Variants in RIMS3 observed in about 807,000 individuals in gnomAD.
The protein encoded by RIMS3 is regulating synaptic membrane exocytosis protein 3.
In RIMS3, 15 loss-of-function variants were observed where a neutral mutation model predicts 29.2. That is an observed-to-expected ratio of 0.51 (90% confidence interval 0.34 to 0.79). RIMS3 has a LOEUF of 0.79. RIMS3 is among the 30% of genes least tolerant of loss of function. The pLI, the probability that RIMS3 is intolerant of heterozygous loss-of-function variation, is 0.01. For missense variants in RIMS3, 342 were observed against 421.4 expected (o/e 0.81, Z 1.65); for synonymous variants, 161 against 170.1 (o/e 0.95, Z 0.41).
intron 4 of RIMS3, among the ~76,000 whole-genome samples, 161 bp from the exon 5 acceptor site, chr1:40,633,342 C>A (rs1396403378): frequency 6.6e-6 from 1 of 152,264 alleles, no homozygotes; most frequent in African/African-American, 2.4e-5. Context: ...TGGGAAAGGA[C>A]AAACAGAACT....
At chr1:40,637,316 G>C (rs1339544652) in intron 3 of RIMS3, among the ~76,000 whole-genome samples, 2 of 152,228 alleles carry the variant, frequency 1.3e-5, no homozygotes, top group Non-Finnish European at 2.9e-5. Context: ...CCCCACTGGA[G>C]GAGGGCAGGC....
the RIMS3 span, among the ~76,000 whole-genome samples, chr1:40,679,032 G>A: frequency 6.6e-6 from 1 of 152,164 alleles, no homozygotes; most frequent in Non-Finnish European, 1.5e-5. Flanking sequence ...GGAAAGTGTC[G>A]CTAGACCCCA....
chr1:40,685,937 CAGG>C, the RIMS3 span, among the ~76,000 whole-genome samples: 2 of 151,990 alleles, frequency 1.3e-5, no homozygotes, highest in Non-Finnish European at 2.9e-5. Context: ...CACCTGAGGT[CAGG>C]AGTTCAAGAC....
chr1:40,654,990 G>C lies in RIMS3; in HGVS notation c.-206-7148C>G, dbSNP rs1428874755. Among the ~76,000 whole-genome samples the C allele has an allele frequency of 6.6e-6, 1 of 152,172 alleles. No homozygotes were observed. ...CCTTCCCACTGTGAACATGGGACTA[G>C]GGAGGGGGCAGACAGGACTTCCCTC... On this transcript the variant is annotated intron_variant, in intron 1 of 7. Transcript: ENST00000372684. This position sits in a 1 kb window ranked among gnomAD's most constrained non-coding sequence, Gnocchi z 5.3.
At chr1:40,632,138 C>A (rs1646492949) in intron 5 of RIMS3, among the ~76,000 whole-genome samples, 1 of 152,066 alleles carries the variant, frequency 6.6e-6, no homozygotes, top group Non-Finnish European at 1.5e-5. Flanking sequence ...CCAGCCTCAG[C>A]CTCCTGAGCA....
At chr1:40,686,191 A>C in the RIMS3 span, among the ~76,000 whole-genome samples, 1 of 152,092 alleles carries the variant, frequency 6.6e-6, no homozygotes, top group Non-Finnish European at 1.5e-5. Context: ...TGAAAGGGCA[A>C]GGGGTATTCA....
upstream of RIMS3, among the ~76,000 whole-genome samples, chr1:40,669,997 C>T (rs927291642): frequency 6.6e-6 from 1 of 152,108 alleles, no homozygotes; most frequent in Non-Finnish European, 1.5e-5. Flanking sequence ...CACTTCTCTC[C>T]ATCCCTCTTG....
intron 2 of RIMS3, among the ~76,000 whole-genome samples, chr1:40,646,581 C>G (rs1014725561): frequency 6.6e-6 from 1 of 152,166 alleles, no homozygotes; most frequent in Non-Finnish European, 1.5e-5. Context: ...CTCTGAAGTT[C>G]TTCCTGCTGA....
rs1646470947 is a variant in RIMS3, at chr1:40,628,881, T to TGGTCATCTTTG, written c.632_642dup (p.Lys215GlnfsTer3). On this transcript the variant is annotated stop_gained and frameshift_variant, in exon 7 of 8. Transcript: ENST00000372684. LOFTEE classifies it high-confidence loss of function. Reference sequence around the variant, plus strand: ...TGGTACAGGGGATCACAGGTCTTCTTGGTCATCTTTGTCTTCTTCTTGGCC... The same window carrying TGGTCATCTTTG: ...TGGTACAGGGGATCACAGGTCTTCTTGGTCATCTTTGGGTCATCTTTGTCTTCTTCTTGGCC... 1 of 1,613,916 alleles carries TGGTCATCTTTG rather than the reference T, an allele frequency of 6.2e-7. No individual in the cohort carries two copies. Among genetic ancestry groups the TGGTCATCTTTG allele is most frequent in the Non-Finnish European group, 8.5e-7 (1 of 1,180,030 alleles).
rs2148357579 is a variant in RIMS3 at position 40,654,326 on chromosome 1, CCAGA to C, written c.-206-6488_-206-6485del. 6.6e-6 allele frequency among the ~76,000 whole-genome samples: 1 copy of C among 152,326 alleles called. No homozygotes were observed. Among genetic ancestry groups the C allele is most frequent in the Admixed American group, 6.5e-5 (1 of 15,308 alleles). On this transcript the variant is annotated intron_variant, in intron 1 of 7. Coordinates refer to ENST00000372684, the MANE Select transcript of RIMS3 (RefSeq NM_014747.3). This position sits in a 1 kb window ranked among gnomAD's most constrained non-coding sequence, Gnocchi z 5.3. Reference sequence around the variant, plus strand: ...AACCCAGCACAGGCTCGGCCCCAGGCCAGACAGACACCGCCCAAAGAGGTGCACG... The same window carrying C: ...AACCCAGCACAGGCTCGGCCCCAGGCCAGACACCGCCCAAAGAGGTGCACG...
chr1:40,692,010 G>A, the RIMS3 span: 3 of 256,068 alleles, frequency 1.2e-5, no homozygotes, highest in African/African-American at 4.8e-5. Flanking sequence ...CCGCCGCCAT[G>A]TTGTGCTCTT....
intron 3 of RIMS3, among the ~76,000 whole-genome samples, chr1:40,639,368 G>A (rs902482988): frequency 1.4e-4 from 22 of 152,314 alleles, no homozygotes; most frequent in African/African-American, 5.3e-4. Context: ...GCATCCTCAA[G>A]GCATGGGGGC....
At chr1:40,689,921 C>T in the RIMS3 span, among the ~76,000 whole-genome samples, 3 of 152,324 alleles carry the variant, frequency 2.0e-5, no homozygotes, top group South Asian at 6.2e-4. Flanking sequence ...GAAGGGTTAA[C>T]ACCTAGCACA....
chr1:40,642,244 C>A (rs188369133), intron 2 of RIMS3, among the ~76,000 whole-genome samples: 1 of 152,200 alleles, frequency 6.6e-6, no homozygotes, highest in African/African-American at 2.4e-5. Flanking sequence ...GGCCTCTACA[C>A]ACTAGCTGCG....
chr1:40,652,911 G>A (rs892449642), intron 1 of RIMS3, among the ~76,000 whole-genome samples: 5 of 152,184 alleles, frequency 3.3e-5, no homozygotes, highest in African/African-American at 1.2e-4. Flanking sequence ...AGGAAACGGG[G>A]CCAGGAGTCG....
At chr1:40,686,994 T>G in the RIMS3 span, among the ~76,000 whole-genome samples, 4 of 122,564 alleles carry the variant, frequency 3.3e-5, no homozygotes, top group African/African-American at 1.3e-4. Context: ...GAAAACAGTA[T>G]GGTGGCTCCT....
chr1:40,670,367 T>G (rs970623110), upstream of RIMS3, among the ~76,000 whole-genome samples: 15 of 151,556 alleles, frequency 9.9e-5, no homozygotes, highest in African/African-American at 3.6e-4. Flanking sequence ...GCATCCCATC[T>G]GAAGCTTGAA....
Position 40,663,930 on chromosome 1 carries a change from C to G in RIMS3, c.-207+1464G>C, listed in dbSNP as rs528955432. Among the ~76,000 whole-genome samples the G allele has an allele frequency of 1.5e-4, 23 of 152,338 alleles. No individual in the cohort carries two copies. In the South Asian group the frequency reaches 4.1e-3, roughly 27 times the overall value. The stretch of plus-strand genomic sequence containing the variant: ...CTCAAATCCACCATTTCACTCACTC[C>G]TTCCTGCTACCCACATAGCAGCTGG... On this transcript the variant is annotated intron_variant, in intron 1 of 7. Coordinates refer to ENST00000372684, the MANE Select transcript of RIMS3 (RefSeq NM_014747.3).
At chr1:40,660,380 T>C (rs1570204524) in intron 1 of RIMS3, among the ~76,000 whole-genome samples, 1 of 144,384 alleles carries the variant, frequency 6.9e-6, no homozygotes, top group East Asian at 2.0e-4. Context: ...TGGGGCTTCT[T>C]TTTTTTTTTT....
Sources: allele counts gnomAD v4.1 joint callset (sites outside exome capture counted in the v4.1 genomes callset), GRCh38; gene constraint gnomAD v4.1.1; non-coding constraint Gnocchi (gnomAD v3.1); transcripts MANE v1.5; gene names NCBI Gene and HGNC (gene_info 2026-07-23, HGNC 2026-07-21).